TNFSF18: variants seen among roughly 807,000 people sequenced by gnomAD.
TNFSF18 encodes the protein TNF superfamily member 18.
TNFSF18 carries 6 observed loss-of-function variants against 9.6 expected under a neutral mutation model. That is an observed-to-expected ratio of 0.63 (90% CI 0.34 to 1.24). The LOEUF is 1.24. Among genes scored for constraint, TNFSF18 ranks in the 50% most tolerant of loss-of-function variants. The pLI is 0.03. For synonymous variants in TNFSF18, 68 were observed against 71.7 expected, an observed-to-expected ratio of 0.95 and a Z score of 0.26; for missense variants, 210 against 201.0, an observed-to-expected ratio of 1.04 and a Z score of -0.27.
intron 1 of TNFSF18, among the ~76,000 whole-genome samples, chr1:173,047,833 A>T (rs1665107675): frequency 6.6e-6 from 1 of 152,180 alleles, no homozygotes; most frequent in Non-Finnish European, 1.5e-5. Context: ...CACCACTAAA[A>T]ATCCATCTAA....
chr1:173,049,744 T>C (rs888703260), intron 1 of TNFSF18, among the ~76,000 whole-genome samples: 5 of 152,218 alleles, frequency 3.3e-5, no homozygotes, highest in Non-Finnish European at 7.3e-5. Flanking sequence ...GATGGACATA[T>C]GCCACTTTAT....
intron 1 of TNFSF18, 30 bp downstream of exon 1, chr1:173,050,711 T>C (rs376198804): frequency 7.0e-7 from 1 of 1,428,356 alleles, no homozygotes; most frequent in Non-Finnish European, 9.6e-7. Flanking sequence ...TTATAGCAAA[T>C]AGTAACCTTA....
intron 1 of TNFSF18, among the ~76,000 whole-genome samples, chr1:173,049,312 CTT>C (rs1162247286): frequency 6.6e-6 from 1 of 152,118 alleles, no homozygotes; most frequent in Non-Finnish European, 1.5e-5. Flanking sequence ...GCTAATTAAT[CTT>C]ATAATTTTTA....
rs777377111 is a variant in TNFSF18 at position 173,041,649 on chromosome 1, G to A, written c.252C>T (p.Asp84=). ...SEPPCVNKVS[D]WKLEILQNGL... ...CATTCTGAAGTATCTCCAGCTTCCA[G>A]TCAGACACCTTATTCACGCAAGGAG... Residue 84 remains aspartate (D), a synonymous_variant, in exon 3 of 3, where the codon GAC becomes GAT. Coordinates refer to ENST00000404377, the MANE Select transcript of TNFSF18 (RefSeq NM_005092.4). The A allele has an allele frequency of 3.7e-6, 6 of 1,613,326 alleles. No individual in the cohort carries two copies. In the South Asian group the frequency reaches 6.6e-5, roughly 18 times the overall value.
chr1:173,045,280 A>G (rs1477129600), intron 1 of TNFSF18, among the ~76,000 whole-genome samples: 1 of 152,172 alleles, frequency 6.6e-6, no homozygotes, highest in Admixed American at 6.6e-5. Flanking sequence ...ATGAGAAAGA[A>G]CAAGCAAGGG....
At chr1:173,045,950 A>G (rs1163899048) in intron 1 of TNFSF18, among the ~76,000 whole-genome samples, 1 of 152,158 alleles carries the variant, frequency 6.6e-6, no homozygotes, top group Non-Finnish European at 1.5e-5. Flanking sequence ...CTCTTAAAAT[A>G]TGGAGGCAAC....
chr1:173,041,996 A>G (rs1665002708), intron 2 of TNFSF18, among the ~76,000 whole-genome samples: 1 of 152,190 alleles, frequency 6.6e-6, no homozygotes, highest in Non-Finnish European at 1.5e-5. Context: ...TTGTTGATTA[A>G]TATTTGTGGG....
intron 2 of TNFSF18, among the ~76,000 whole-genome samples, chr1:173,042,718 G>A (rs982767741): frequency 2.0e-5 from 3 of 152,078 alleles, no homozygotes; most frequent in East Asian, 1.9e-4. Context: ...TCACAGCCCC[G>A]GGAGGTGCTT....
rs1254663378 is a variant in TNFSF18, at chr1:173,043,802, C to A, written c.187+137G>T. The A allele has an allele frequency of 4.8e-6, 4 of 834,732 alleles. No homozygotes were observed. The African/African-American group carries it at 5.1e-5, about 11-fold the overall frequency. The allele number at this position is 834,732 out of a possible 1,614,324, so 51.7% of individuals were successfully genotyped here. A position where few individuals can be genotyped will look rare whatever the true frequency, so the allele number is the denominator to read the frequency against. The stretch of plus-strand genomic sequence containing the variant: ...AAGCCTCAGCTCTTGGGCAACTGCC[C>A]AGTACATGATAAGTAATTATACATA... On this transcript the variant is annotated intron_variant, in intron 2 of 2. Transcript: ENST00000404377.
intron 1 of TNFSF18, among the ~76,000 whole-genome samples, chr1:173,045,911 G>A (rs1665073934): frequency 6.6e-6 from 1 of 152,100 alleles, no homozygotes; most frequent in Non-Finnish European, 1.5e-5. Context: ...TGTTGATATT[G>A]GAACTTCTTT....
At position 173,041,379 on chromosome 1, in the gene TNFSF18, T is replaced by C. The variant is rs1175408384; in HGVS notation, c.522A>G (p.Gln174=). The change falls in exon 3 of 3, where the codon CAA becomes CAG. Residue 174 remains glutamine (Q), a synonymous_variant. Transcript: ENST00000404377. The part of the protein sequence containing the change: ...YWGIILLANP[Q]FIS Reference sequence around the variant, plus strand: ...TCAAATCAAGTCTCTAGGAGATGAATTGGGGATTTGCTAGTAAAATGATAC... The same window carrying C: ...TCAAATCAAGTCTCTAGGAGATGAACTGGGGATTTGCTAGTAAAATGATAC... 15 of 1,606,444 alleles carry C rather than the reference T, an allele frequency of 9.3e-6. No individual in the cohort carries two copies. The highest frequency in any genetic ancestry group is 4.5e-5 in the East Asian group (2 of 44,824).
At position 173,040,411 on chromosome 1, in the gene TNFSF18, G is replaced by C. The variant is rs1448575639; in HGVS notation, c.*956C>G. ...TGCAGGGGACTACCCATTGCCTCTT[G>C]TAGTCACTTGTCCTATGAGTTGAGG... On this transcript the variant is annotated 3_prime_UTR_variant, in exon 3 of 3. Transcript: ENST00000404377. 1 of 152,134 alleles carries C rather than the reference G, an allele frequency of 6.6e-6. No individual in the cohort carries two copies. Among genetic ancestry groups the C allele is most frequent in the East Asian group, 1.9e-4 (1 of 5,198 alleles). 9.4% of individuals were successfully genotyped at this position (152,134 alleles called of 1,614,324 possible).
intron 1 of TNFSF18, among the ~76,000 whole-genome samples, chr1:173,046,573 T>C (rs1665087998): frequency 6.6e-6 from 1 of 152,192 alleles, no homozygotes; most frequent in Non-Finnish European, 1.5e-5. Context: ...TATTAAAATA[T>C]TTTACTTATT....
At chr1:173,050,626 C>G in intron 1 of TNFSF18, 115 bp downstream of exon 1, 1 of 700,566 alleles carries the variant, frequency 1.4e-6, no homozygotes, top group Non-Finnish European at 2.4e-6. Flanking sequence ...TATGTATACA[C>G]ATCTCTTCCT....
chr1:173,043,728 A>G (rs540612969), intron 2 of TNFSF18, among the ~76,000 whole-genome samples: 8 of 152,324 alleles, frequency 5.3e-5, no homozygotes, highest in Middle Eastern at 3.4e-3. Flanking sequence ...GCAGCCTTCA[A>G]CATAAGCTTT....
chr1:173,050,773 T>G lies in TNFSF18; in HGVS notation c.124A>C (p.Ser42Arg), dbSNP rs772406898. The G allele has an allele frequency of 1.9e-6, 3 of 1,611,444 alleles. No homozygotes were observed. The highest frequency in any genetic ancestry group is 3.4e-5 in the Admixed American group (2 of 59,630). The change falls in exon 1 of 3, where the codon AGT becomes CGT. Residue 42 changes from serine (S) to arginine (R), a missense_variant. Physicochemically the swap from Ser to Arg is moderately radical, Grantham distance 110. Coordinates refer to ENST00000404377, the MANE Select transcript of TNFSF18 (RefSeq NM_005092.4). The part of the protein sequence containing the change: ...IVMLLFLCSF[S>R]WLIFIFLQLE... ...TGGAGAAAAATAAAGATTAGCCAAC[T>G]GAAGGAGCAAAGAAATAGCAACATA...
chr1:173,044,252 C>T (rs979490493), intron 1 of TNFSF18, among the ~76,000 whole-genome samples: 24 of 128,836 alleles, frequency 1.9e-4, no homozygotes, highest in Non-Finnish European at 2.5e-4. Context: ...TATTTGATAT[C>T]GGACCCCCCC....
rs115389116 is a variant in TNFSF18 at position 173,046,337 on chromosome 1, G to A, written c.157-2368C>T. Among the ~76,000 whole-genome samples, 497 of 152,252 alleles carry A rather than the reference G, an allele frequency of 3.3e-3. 5 individuals are homozygous for A. Among genetic ancestry groups the A allele is most frequent in the African/African-American group, 0.011 (469 of 41,554 alleles). On this transcript the variant is annotated intron_variant, in intron 1 of 2. Coordinates refer to ENST00000404377, the MANE Select transcript of TNFSF18 (RefSeq NM_005092.4). ...ATTTAGTTGTGGAAGGAAGGAAAGA[G>A]AGGCATCCATCATTGAATGATGGAT...
chr1:173,043,841 G>T, intron 2 of TNFSF18, 98 bp downstream of exon 2: 1 of 1,129,252 alleles, frequency 8.9e-7, no homozygotes, highest in Non-Finnish European at 1.3e-6. Context: ...GCTCAGAAAT[G>T]AATAAAAGAA....
Sources: allele counts gnomAD v4.1 joint callset (sites outside exome capture counted in the v4.1 genomes callset), GRCh38; gene constraint gnomAD v4.1.1; transcripts MANE v1.5; gene names NCBI Gene and HGNC (gene_info 2026-07-23, HGNC 2026-07-21).